Variants in RAB23 observed in about 807,000 individuals in gnomAD.
RAB23 encodes the protein RAB23, member RAS oncogene family.
In RAB23, 15 loss-of-function variants were observed where a neutral mutation model predicts 30.0. The ratio of observed to expected loss-of-function variants is 0.50; its 90% CI spans 0.33 to 0.77. The LOEUF is 0.77. RAB23 is among the 30% of genes least tolerant of loss of function. The probability of loss-of-function intolerance (pLI) is 0.02; values close to 1 mark genes in which losing one functional copy is unlikely to be tolerated. For missense variants in RAB23, 243 were observed against 275.4 expected (o/e 0.88, Z 0.83); for synonymous variants, 93 against 94.0 (o/e 0.99, Z 0.06).
intron 3 of RAB23, among the ~76,000 whole-genome samples, chr6:57,202,895 C>T (rs560067288): frequency 1.3e-5 from 2 of 151,590 alleles, no homozygotes; most frequent in South Asian, 4.2e-4. Context: ...TTTACTTTTA[C>T]CATTTAGAAA....
intron 3 of RAB23, among the ~76,000 whole-genome samples, chr6:57,200,615 G>GT (rs1370187407): frequency 6.6e-6 from 1 of 151,432 alleles, no homozygotes; most frequent in Non-Finnish European, 1.5e-5. Flanking sequence ...AAAAGGTGCA[G>GT]TAGGATGGAT....
intron 1 of RAB23, among the ~76,000 whole-genome samples, chr6:57,216,612 G>GA (rs1399061123): frequency 1.3e-5 from 2 of 152,178 alleles, no homozygotes; most frequent in East Asian, 3.9e-4. Flanking sequence ...AGAGTGACAT[G>GA]AAAGCAAGTT....
rs772241977 is a variant in RAB23 at position 57,193,897 on chromosome 6, G to A, written c.519C>T (p.Leu173=). ...CTGGATCCTCAGCTATTTGTTGTTT[G>A]AGTTTCTGAAGGTATTTTTCAGCCA... ...KYLAEKYLQK[L]KQQIAEDPEL... Residue 173 remains leucine (L), a synonymous_variant, in exon 6 of 7, where the codon CTC becomes CTT. Coordinates refer to ENST00000468148, the MANE Select transcript of RAB23 (RefSeq NM_016277.5). 1 of 1,612,838 alleles carries A rather than the reference G, an allele frequency of 6.2e-7. No individual in the cohort carries two copies. Among genetic ancestry groups the A allele is most frequent in the East Asian group, 2.2e-5 (1 of 44,676 alleles).
At chr6:57,198,960 A>G (rs1765132773) in intron 3 of RAB23, among the ~76,000 whole-genome samples, 1 of 152,282 alleles carries the variant, frequency 6.6e-6, no homozygotes, top group African/African-American at 2.4e-5. Context: ...TGTCCATAAC[A>G]ACCCCAAGAT....
intron 4 of RAB23, among the ~76,000 whole-genome samples, chr6:57,195,631 C>T (rs1391460480): frequency 6.6e-6 from 1 of 152,216 alleles, no homozygotes; most frequent in East Asian, 1.9e-4. Context: ...GGAGAAATAG[C>T]TGCCGTGTTG....
chr6:57,208,799 GGAAA>G (rs1562657419), intron 2 of RAB23, among the ~76,000 whole-genome samples: 1 of 151,956 alleles, frequency 6.6e-6, no homozygotes, highest in African/African-American at 2.4e-5. Context: ...TGCTCCTAAG[GGAAA>G]CATAGGGTTA....
At chr6:57,204,685 A>G (rs922921062) in intron 3 of RAB23, among the ~76,000 whole-genome samples, 1 of 152,178 alleles carries the variant, frequency 6.6e-6, no homozygotes, top group Non-Finnish European at 1.5e-5. Flanking sequence ...TAATTAGCTT[A>G]AAGGAAACTT....
chr6:57,211,989 G>T (rs939646539), intron 1 of RAB23, among the ~76,000 whole-genome samples: 2 of 152,186 alleles, frequency 1.3e-5, no homozygotes, highest in African/African-American at 4.8e-5. Flanking sequence ...AAACCTGAGT[G>T]ATCATAAGAA....
At chr6:57,199,791 GA>G (rs147487900) in intron 3 of RAB23, among the ~76,000 whole-genome samples, 6 of 151,526 alleles carry the variant, frequency 4.0e-5, no homozygotes, top group Non-Finnish European at 5.9e-5. Flanking sequence ...TACTAAAATG[GA>G]AAAAAAATCA....
At position 57,188,427 on chromosome 6, in the gene RAB23, C is replaced by CTTTT. The variant is rs1296255531; in HGVS notation, c.*2030_*2033dup. 3 of 152,112 alleles carry CTTTT rather than the reference C, an allele frequency of 2.0e-5. No individual in the cohort carries two copies. Among genetic ancestry groups the CTTTT allele is most frequent in the Non-Finnish European group, 4.4e-5 (3 of 68,014 alleles). The allele number at this position is 152,112 out of a possible 1,614,324, so 9.4% of individuals were successfully genotyped here. On this transcript the variant is annotated 3_prime_UTR_variant, in exon 7 of 7. Transcript: ENST00000468148. The stretch of plus-strand genomic sequence containing the variant: ...GAACTGTAACTATCCTCAGAGATTA[C>CTTTT]TTTTTTTAAATATAGAAAGGTAACA...
chr6:57,222,155 C>CT lies in RAB23; in HGVS notation c.-496dup, dbSNP rs1766088716. On this transcript the variant is annotated 5_prime_UTR_variant, in exon 1 of 7. Transcript: ENST00000468148. ...GGGCCGAGCGGCTAGTTCGCACCCTCTTTCGCTCTCTTAAGAATGATTATG... is the reference window on the plus strand; with the variant it reads ...GGGCCGAGCGGCTAGTTCGCACCCTCTTTTCGCTCTCTTAAGAATGATTATG... 1 of 152,254 alleles carries CT rather than the reference C, an allele frequency of 6.6e-6. No homozygotes were observed. Among genetic ancestry groups the CT allele is most frequent in the Admixed American group, 6.5e-5 (1 of 15,292 alleles). 9.4% of individuals were successfully genotyped at this position (152,254 alleles called of 1,614,324 possible).
In RAB23 at chr6:57,196,603, G is replaced by A; in HGVS notation, c.245C>T (p.Ala82Val). 1 of 1,613,456 alleles carries A rather than the reference G, an allele frequency of 6.2e-7. No homozygotes were observed. The highest frequency in any genetic ancestry group is 1.7e-5 in the Admixed American group (1 of 59,964). Residue 82 changes from alanine to valine, a missense_variant, in exon 4 of 7, where the codon GCC becomes GTC. Coordinates refer to ENST00000468148, the MANE Select transcript of RAB23 (RefSeq NM_016277.5). ...DAITKAYYRGAQACVLVFSTT... is the reference protein window; with the variant it reads ...DAITKAYYRGVQACVLVFSTT... ...AGAGAACACGAGCACACAAGCCTGG[G>A]CTCCTGTAAGTTCACAATCAATCAA...
chr6:57,193,415 T>C (rs527950407), intron 6 of RAB23, among the ~76,000 whole-genome samples: 1 of 152,330 alleles, frequency 6.6e-6, no homozygotes, highest in South Asian at 2.1e-4. Context: ...CAGGCAGTTA[T>C]TGTGAAAGAG....
chr6:57,201,122 C>T (rs1044516070), intron 3 of RAB23, among the ~76,000 whole-genome samples: 4 of 146,638 alleles, frequency 2.7e-5, no homozygotes, highest in Admixed American at 1.4e-4. Flanking sequence ...CTTGCTCTGT[C>T]GCCCAGGCTG....
intron 3 of RAB23, among the ~76,000 whole-genome samples, chr6:57,196,814 A>C (rs1765041025): frequency 6.6e-6 from 1 of 152,190 alleles, no homozygotes; most frequent in Non-Finnish European, 1.5e-5. Context: ...TCATCTTTGC[A>C]CTACTCTTCT....
intron 1 of RAB23, among the ~76,000 whole-genome samples, chr6:57,218,868 AGGAAAAAAAAG>A (rs1765948563): frequency 6.6e-6 from 1 of 151,202 alleles, no homozygotes; most frequent in South Asian, 2.1e-4. Flanking sequence ...AAAAAAAAAA[AGGAAAAAAAAG>A]CATCTATAAC....
intron 1 of RAB23, among the ~76,000 whole-genome samples, chr6:57,214,679 A>G (rs1468905205): frequency 6.6e-6 from 1 of 152,074 alleles, no homozygotes; most frequent in African/African-American, 2.4e-5. Context: ...GTAGTGCCCC[A>G]CCCTTCCTGT....
intron 2 of RAB23, among the ~76,000 whole-genome samples, chr6:57,208,002 G>C (rs1317767495): frequency 6.6e-6 from 1 of 152,080 alleles, no homozygotes; most frequent in African/African-American, 2.4e-5. Flanking sequence ...TTACGATGGG[G>C]CTATGTCTCA....
intron 1 of RAB23, among the ~76,000 whole-genome samples, chr6:57,214,496 G>A (rs1023135335): frequency 1.3e-5 from 2 of 152,078 alleles, no homozygotes; most frequent in African/African-American, 4.8e-5. Context: ...TAGAGACAGG[G>A]TTTTGCCATT....
Sources: allele counts gnomAD v4.1 joint callset (sites outside exome capture counted in the v4.1 genomes callset), GRCh38; gene constraint gnomAD v4.1.1; transcripts MANE v1.5; gene names NCBI Gene and HGNC (gene_info 2026-07-23, HGNC 2026-07-21).